The following RYK variants were observed in gnomAD, a reference collection of about 807,000 sequenced individuals.
RYK encodes the protein inactive tyrosine-protein kinase RYK.
A neutral mutation model predicts 70.2 loss-of-function variants in RYK; 21 were observed. The ratio of observed to expected loss-of-function variants is 0.30; its 90% CI spans 0.21 to 0.43. The LOEUF is 0.43. RYK is among the 20% of genes least tolerant of loss of function. The pLI is 1.00. For synonymous variants in RYK, 267 were observed against 278.0 expected, an observed-to-expected ratio of 0.96 and a Z score of 0.39; for missense variants, 604 against 753.3, an observed-to-expected ratio of 0.80 and a Z score of 2.32.
At chr3:134,188,191 G>C (rs1380019165) in intron 9 of RYK, among the ~76,000 whole-genome samples, 10 of 138,002 alleles carry the variant, frequency 7.2e-5, no homozygotes, top group African/African-American at 2.7e-4. Context: ...TTGAGACAGA[G>C]TCTCTGTCGC....
intron 1 of RYK, among the ~76,000 whole-genome samples, chr3:134,247,881 G>A (rs1166481227): frequency 6.6e-6 from 1 of 152,104 alleles, no homozygotes; most frequent in African/African-American, 2.4e-5. Context: ...ATAAAATAAT[G>A]GTTCGTTTCC....
At chr3:134,221,246 C>A (rs2014728499) in intron 2 of RYK, among the ~76,000 whole-genome samples, 1 of 126,074 alleles carries the variant, frequency 7.9e-6, no homozygotes. Flanking sequence ...ACTCTGTCTC[C>A]CAGGATGGAG....
chr3:134,195,444 A>G (rs112712408), intron 6 of RYK: 153 of 324,666 alleles, frequency 4.7e-4, no homozygotes, highest in African/African-American at 3.2e-3. Flanking sequence ...GTGCTCAGAC[A>G]CCTCAGCTAA....
intron 8 of RYK, among the ~76,000 whole-genome samples, chr3:134,189,740 C>CAAAAAAAAAAAA (rs57016937): frequency 3.7e-4 from 34 of 92,574 alleles, no homozygotes; most frequent in African/African-American, 4.7e-4. Flanking sequence ...GAGACTCCGC[C>CAAAAAAAAAAAA]AAAAAAAAAA....
intron 1 of RYK, among the ~76,000 whole-genome samples, chr3:134,246,338 AC>A (rs2015465858): frequency 1.4e-5 from 2 of 146,576 alleles, no homozygotes; most frequent in Admixed American, 1.4e-4. Flanking sequence ...ACACACACAC[AC>A]ACACAGAGAG....
intron 2 of RYK, among the ~76,000 whole-genome samples, chr3:134,217,140 T>A (rs781671431): frequency 2.6e-5 from 4 of 152,236 alleles, no homozygotes; most frequent in African/African-American, 7.2e-5. Flanking sequence ...GAAGCTGTGA[T>A]ATGTGAAACT....
intron 11 of RYK, among the ~76,000 whole-genome samples, chr3:134,177,045 C>CA (rs1272090010): frequency 2.5e-4 from 33 of 131,628 alleles, no homozygotes; most frequent in East Asian, 9.2e-4. Context: ...GACTCCATCT[C>CA]AAAAAAAAAC....
intron 1 of RYK, among the ~76,000 whole-genome samples, chr3:134,225,137 C>G (rs992497157): frequency 5.9e-5 from 9 of 152,120 alleles, no homozygotes; most frequent in African/African-American, 2.2e-4. Flanking sequence ...AAAGCCTCTC[C>G]CTGCTGGCAG....
Position 134,211,614 on chromosome 3 carries a change from A to G in RYK, c.355-7T>C, listed in dbSNP as rs867406853. ...ATCCCAGCTTATATTCAACCTGTAA[A>G]ATAGACAAAAATAAACAAAATGGAC... On this transcript the variant is annotated splice_polypyrimidine_tract_variant and splice_region_variant and intron_variant, in intron 2 of 14. Transcript: ENST00000623711. The G allele has an allele frequency of 1.3e-6, 2 of 1,594,588 alleles. No homozygotes were observed. The highest frequency in any genetic ancestry group is 1.7e-6 in the Non-Finnish European group (2 of 1,162,788).
intron 13 of RYK, among the ~76,000 whole-genome samples, chr3:134,174,119 T>C (rs2013016747): frequency 2.6e-5 from 4 of 152,122 alleles, no homozygotes; most frequent in African/African-American, 9.7e-5. Context: ...GGTATGAACT[T>C]GGAACAGAGG....
chr3:134,179,391 A>G (rs1379494535), intron 10 of RYK: 1 of 152,208 alleles, frequency 6.6e-6, no homozygotes, highest in Non-Finnish European at 1.5e-5. Flanking sequence ...AGTTACTAAC[A>G]TGGAAAGCAC....
At chr3:134,196,580 AAAACACACACAC>A (rs1463038101) in intron 6 of RYK, among the ~76,000 whole-genome samples, 28 of 127,330 alleles carry the variant, frequency 2.2e-4, no homozygotes, top group Middle Eastern at 7.7e-3. Flanking sequence ...TCTCTGAAAC[AAAACACACACAC>A]ACACACACAC....
At chr3:134,228,867 T>C (rs1576532276) in intron 1 of RYK, among the ~76,000 whole-genome samples, 1 of 152,160 alleles carries the variant, frequency 6.6e-6, no homozygotes, top group Non-Finnish European at 1.5e-5. Flanking sequence ...TTCAAGGTTA[T>C]TATCACAAAG....
At chr3:134,213,488 T>C (rs1052040534) in intron 2 of RYK, among the ~76,000 whole-genome samples, 8 of 152,162 alleles carry the variant, frequency 5.3e-5, no homozygotes, top group African/African-American at 1.7e-4. Flanking sequence ...AGCCCACTGC[T>C]GGCCCCAGGG....
intron 3 of RYK, among the ~76,000 whole-genome samples, 155 bp from the exon 4 acceptor site, chr3:134,209,984 A>T (rs1461192288): frequency 6.6e-6 from 1 of 152,260 alleles, no homozygotes; most frequent in African/African-American, 2.4e-5. Flanking sequence ...AAAAGTTTTT[A>T]GAGATCTTCA....
chr3:134,217,580 T>C (rs1345537426), intron 2 of RYK, among the ~76,000 whole-genome samples: 2 of 152,250 alleles, frequency 1.3e-5, no homozygotes, highest in Non-Finnish European at 2.9e-5. Flanking sequence ...ACAGAGATCC[T>C]TGACCAGGAT....
At chr3:134,234,008 T>A (rs754180572) in intron 1 of RYK, among the ~76,000 whole-genome samples, 4 of 152,118 alleles carry the variant, frequency 2.6e-5, no homozygotes, top group Non-Finnish European at 4.4e-5. Context: ...AAAGGGAAAA[T>A]AGCAAAATAT....
At position 134,167,871 on chromosome 3, in the gene RYK, C is replaced by T. The variant is rs558509189; in HGVS notation, c.1575+7738G>A. On this transcript the variant is annotated intron_variant, in intron 13 of 14. Coordinates refer to ENST00000623711, the MANE Select transcript of RYK (RefSeq NM_002958.4). ...AATGGGAGAAAATTTTTGTAATCTACTCATCTGACAAAGGGCTAATATCCA... is the reference window on the plus strand; with the variant it reads ...AATGGGAGAAAATTTTTGTAATCTATTCATCTGACAAAGGGCTAATATCCA... 3.9e-5 allele frequency among the ~76,000 whole-genome samples: 6 copies of T among 152,262 alleles called. No homozygotes were observed. The South Asian group carries it at 1.2e-3, about 32-fold the overall frequency.
intron 13 of RYK, among the ~76,000 whole-genome samples, chr3:134,169,908 A>G (rs1029641077): frequency 6.6e-6 from 1 of 152,202 alleles, no homozygotes; most frequent in Non-Finnish European, 1.5e-5. Context: ...AACTTCACCC[A>G]TAAAGAAAAA....
Sources: allele counts gnomAD v4.1 joint callset (sites outside exome capture counted in the v4.1 genomes callset), GRCh38; gene constraint gnomAD v4.1.1; transcripts MANE v1.5; gene names NCBI Gene and HGNC (gene_info 2026-07-23, HGNC 2026-07-21).